The following PIK3CD variants were observed in gnomAD, a reference collection of about 807,000 sequenced individuals.
The protein encoded by PIK3CD is phosphatidylinositol-4,5-bisphosphate 3-kinase catalytic subunit delta.
In PIK3CD, 20 loss-of-function variants were observed where a neutral mutation model predicts 122.9. That is an observed-to-expected ratio of 0.16 (90% CI 0.11 to 0.24). The LOEUF is 0.24. Among genes scored for constraint, PIK3CD ranks in the 10% least tolerant of loss-of-function variants. The pLI, the probability that PIK3CD is intolerant of heterozygous loss-of-function variation, is 1.00. For missense variants in PIK3CD, 787 were observed against 1,406.3 expected, an observed-to-expected ratio of 0.56 and a Z score of 7.04; for synonymous variants, 596 against 593.4, an observed-to-expected ratio of 1.00 and a Z score of -0.06.
intron 2 of PIK3CD, among the ~76,000 whole-genome samples, chr1:9,702,415 G>T (rs1353616086): frequency 6.7e-6 from 1 of 149,820 alleles, no homozygotes; most frequent in Non-Finnish European, 1.5e-5. Flanking sequence ...TGGTCCTGTG[G>T]ACTCCTCTGT....
Position 9,728,565 on chromosome 1 carries a change from C to T in PIK3CD, c.*1519C>T, listed in dbSNP as rs1650053016. ...AGCTCTGTTCTGATTCACCAGGGGT[C>T]CGTCAGTAGTCATTGCCACCCGCGG... On this transcript the variant is annotated 3_prime_UTR_variant, in exon 24 of 24. Coordinates refer to ENST00000377346, the MANE Select transcript of PIK3CD (RefSeq NM_005026.5). 6.6e-6 allele frequency: 1 copy of T among 152,292 alleles called. No homozygotes were observed. Among genetic ancestry groups the T allele is most frequent in the Non-Finnish European group, 1.5e-5 (1 of 68,060 alleles). The allele number at this position is 152,292 out of a possible 1,614,324, so 9.4% of individuals were successfully genotyped here. A position where few individuals can be genotyped will look rare whatever the true frequency, so the allele number is the denominator to read the frequency against.
In PIK3CD at chr1:9,723,061, T is replaced by C; in HGVS notation, c.2427-64T>C. 6.5e-7 allele frequency: 1 copy of C among 1,530,760 alleles called. No individual in the cohort carries two copies. Among genetic ancestry groups the C allele is most frequent in the Non-Finnish European group, 9.0e-7 (1 of 1,106,022 alleles). 94.8% of individuals were successfully genotyped at this position (1,530,760 alleles called of 1,614,324 possible). A position where few individuals can be genotyped will look rare whatever the true frequency, so the allele number is the denominator to read the frequency against. On this transcript the variant is annotated intron_variant, in intron 19 of 23. Transcript: ENST00000377346. The surrounding 1 kb of genome is among the most constrained non-coding windows in gnomAD (Gnocchi z 4.9). ...TTGGGGCACCATGAGTTTCTGGGGC[T>C]CAAGTGGCCTCAGGGACAGCCCTTG...
At position 9,678,903 on chromosome 1, in the gene PIK3CD, G is replaced by T. The variant is rs114014025; in HGVS notation, c.-137-12564G>T. 8.7e-3 allele frequency among the ~76,000 whole-genome samples: 1,323 copies of T among 152,190 alleles called. 20 individuals are homozygous for T. The highest frequency in any genetic ancestry group is 0.03 in the African/African-American group (1,255 of 41,510). ...AGGATCGACTTTCCTGCGTCTTTGGGTGACTCTCCACTGTATCATCGGCTC... is the reference window on the plus strand; with the variant it reads ...AGGATCGACTTTCCTGCGTCTTTGGTTGACTCTCCACTGTATCATCGGCTC... On this transcript the variant is annotated intron_variant, in intron 1 of 23. Transcript: ENST00000377346.
At chr1:9,674,706 A>G (rs1056246535) in intron 1 of PIK3CD, among the ~76,000 whole-genome samples, 4 of 151,048 alleles carry the variant, frequency 2.6e-5, no homozygotes. Context: ...AAAAAAAAAA[A>G]AAAAGAAACA....
At chr1:9,642,794 T>C in the PIK3CD span, among the ~76,000 whole-genome samples, 1 of 150,534 alleles carries the variant, frequency 6.6e-6, no homozygotes, top group African/African-American at 2.4e-5. Flanking sequence ...GTTGCTGCTA[T>C]TGAAAAATGC....
At chr1:9,654,482 G>GAGGCCAGACC (rs746695161) in intron 1 of PIK3CD, 1 of 1,125,302 alleles carries the variant, frequency 8.9e-7, no homozygotes, top group Non-Finnish European at 1.1e-6. Flanking sequence ...CAATGGTTGT[G>GAGGCCAGACC]CGAAAGCCAG....
chr1:9,640,793 G>C, the PIK3CD span, among the ~76,000 whole-genome samples: 1 of 152,050 alleles, frequency 6.6e-6, no homozygotes, highest in Non-Finnish European at 1.5e-5. Flanking sequence ...TGCTCTTTTG[G>C]TCAAATCCAA....
chr1:9,682,731 G>A (rs1257358783), intron 1 of PIK3CD, among the ~76,000 whole-genome samples: 1 of 151,784 alleles, frequency 6.6e-6, no homozygotes, highest in African/African-American at 2.4e-5. Context: ...TGTGTTTTTA[G>A]TAGAGACAGG....
chr1:9,696,475 G>C (rs1348544679), intron 2 of PIK3CD, among the ~76,000 whole-genome samples: 1 of 151,476 alleles, frequency 6.6e-6, no homozygotes, highest in Admixed American at 6.6e-5. Context: ...AAATTGGCTA[G>C]GTATGGTGGC....
rs185117953 is a variant in PIK3CD, at chr1:9,712,643, A to G, written c.141+2047A>G. Among the ~76,000 whole-genome samples the G allele has an allele frequency of 3.6e-4, 55 of 152,300 alleles. No homozygotes were observed. In the East Asian group the frequency reaches 6.0e-3, roughly 17 times the overall value. The stretch of plus-strand genomic sequence containing the variant: ...GGAAAAAATACGAAAGAAGTAATGG[A>G]TCATCTTTGAGAGTTTTTTCTTCTT... On this transcript the variant is annotated intron_variant, in intron 3 of 23. Transcript: ENST00000377346.
rs1646570131 is a variant in PIK3CD, at chr1:9,700,072, T to C, written c.-33+8501T>C. ...TTTTATTATATTCCAGTGCTTTTACTACCTGAAGCATCTTGTTTATCTATT... is the reference window on the plus strand; with the variant it reads ...TTTTATTATATTCCAGTGCTTTTACCACCTGAAGCATCTTGTTTATCTATT... On this transcript the variant is annotated intron_variant, in intron 2 of 23. Transcript: ENST00000377346. The surrounding 1 kb of genome is among the most constrained non-coding windows in gnomAD (Gnocchi z 5.1). Among the ~76,000 whole-genome samples the C allele has an allele frequency of 6.6e-6, 1 of 152,260 alleles. No individual in the cohort carries two copies. The highest frequency in any genetic ancestry group is 2.1e-4 in the South Asian group (1 of 4,836).
At chr1:9,693,636 G>A in intron 2 of PIK3CD, among the ~76,000 whole-genome samples, 2 of 151,414 alleles carry the variant, frequency 1.3e-5, no homozygotes, top group South Asian at 2.1e-4. Context: ...TCTCTGCTCT[G>A]TTTCAAAATC....
chr1:9,720,106 G>A lies in PIK3CD; in HGVS notation c.1340-6G>A, dbSNP rs750252742. 8 of 1,613,226 alleles carry A rather than the reference G, an allele frequency of 5.0e-6. No individual in the cohort carries two copies. The East Asian group carries it at 8.9e-5, about 18-fold the overall frequency. On this transcript the variant is annotated splice_polypyrimidine_tract_variant and splice_region_variant and intron_variant, in intron 10 of 23. Coordinates refer to ENST00000377346, the MANE Select transcript of PIK3CD (RefSeq NM_005026.5). This position sits in a 1 kb window ranked among gnomAD's most constrained non-coding sequence, Gnocchi z 9.0. ...CCTCTACAACTTCATCTGCCCCTGT[G>A]TTCAGATGAGAAGGGCGAGCTGCTG...
rs530139154 is a variant in PIK3CD at position 9,727,749 on chromosome 1, G to A, written c.*703G>A. ...ATCTGGGCCTCATGTAGCTCACCCC[G>A]GTCACGCATGAAGGCAAAAGCAGGT... On this transcript the variant is annotated 3_prime_UTR_variant, in exon 24 of 24. Transcript: ENST00000377346. 6.7e-5 allele frequency: 14 copies of A among 209,302 alleles called. No homozygotes were observed. Among genetic ancestry groups the A allele is most frequent in the Non-Finnish European group, 1.4e-4 (14 of 102,922 alleles). 13.0% of individuals were successfully genotyped at this position (209,302 alleles called of 1,614,324 possible). A position where few individuals can be genotyped will look rare whatever the true frequency, so the allele number is the denominator to read the frequency against.
chr1:9,646,188 G>A, the PIK3CD span, among the ~76,000 whole-genome samples: 2 of 152,118 alleles, frequency 1.3e-5, no homozygotes, highest in Non-Finnish European at 2.9e-5. Flanking sequence ...CCTGAAAAAG[G>A]ACTCAACTTT....
intron 2 of PIK3CD, among the ~76,000 whole-genome samples, chr1:9,708,600 C>T (rs1646934074): frequency 6.6e-6 from 1 of 152,098 alleles, no homozygotes; most frequent in Non-Finnish European, 1.5e-5. Context: ...GTCATCCCAG[C>T]ACTTTGGGAG....
At chr1:9,685,469 G>A (rs552822912) in intron 1 of PIK3CD, among the ~76,000 whole-genome samples, 6 of 151,930 alleles carry the variant, frequency 3.9e-5, no homozygotes, top group African/African-American at 7.2e-5. Flanking sequence ...AGCGAATCTC[G>A]TGCCTCAGCC....
chr1:9,670,396 A>G (rs1417200306), intron 1 of PIK3CD, among the ~76,000 whole-genome samples: 3 of 152,166 alleles, frequency 2.0e-5, no homozygotes, highest in African/African-American at 7.2e-5. Flanking sequence ...CTAATATGTG[A>G]TAGTTTCCTA....
intron 2 of PIK3CD, among the ~76,000 whole-genome samples, chr1:9,694,972 AAGAGAGAG>A (rs113822530): frequency 6.6e-6 from 1 of 150,752 alleles, no homozygotes; most frequent in Non-Finnish European, 1.5e-5. Context: ...AAAAACAAAA[AAGAGAGAG>A]AGAGAGAGAG....
Sources: gnomAD v4.1 joint callset for allele counts (sites outside exome capture counted in the v4.1 genomes callset) on GRCh38, gnomAD v4.1.1 for gene constraint, Gnocchi (gnomAD v3.1) non-coding constraint, MANE v1.5 for transcripts, NCBI Gene and HGNC (gene_info 2026-07-23, HGNC 2026-07-21) for gene names.